The following CLDN10 variants were observed in gnomAD, a reference collection of about 807,000 sequenced individuals.
CLDN10 encodes the protein claudin 10.
In CLDN10, 15 loss-of-function variants were observed where a neutral mutation model predicts 22.9. The ratio of observed to expected loss-of-function variants is 0.65; its 90% CI spans 0.44 to 1.01. The LOEUF (loss-of-function observed/expected upper bound fraction) is 1.01, where lower values mean the gene tolerates loss of function less well. Ranked by LOEUF, CLDN10 falls within the 50% of genes least tolerant of loss-of-function variation. CLDN10 has a pLI of 0.00. For missense variants in CLDN10, 247 were observed against 287.8 expected, an observed-to-expected ratio of 0.86 and a Z score of 1.03; for synonymous variants, 114 against 111.4, an observed-to-expected ratio of 1.02 and a Z score of -0.15.
At chr13:95,514,963 C>T (rs2043148375) in intron 1 of CLDN10, among the ~76,000 whole-genome samples, 1 of 152,132 alleles carries the variant, frequency 6.6e-6, no homozygotes, top group Non-Finnish European at 1.5e-5. Flanking sequence ...TTGAGATACA[C>T]TATGGAAGGT....
rs59868615 is a variant in CLDN10 at position 95,449,739 on chromosome 13, A to ATTTTT, written c.214+15704_214+15708dup. ...CACCACCATGCTAGCTAATTTTTAA[A>ATTTTT]TTTTTTTTTTTTTTTTCTTTTTGAG... On this transcript the variant is annotated intron_variant, in intron 1 of 4. Transcript: ENST00000376873. Among the ~76,000 whole-genome samples, 129 of 132,766 alleles carry ATTTTT rather than the reference A, an allele frequency of 9.7e-4. 3 individuals are homozygous for ATTTTT. The highest frequency in any genetic ancestry group is 2.4e-3 in the East Asian group (11 of 4,670). The allele number at this position is 132,766 out of a possible 152,430, so 87.1% of individuals were successfully genotyped here.
At chr13:95,563,095 ACTCT>A (rs34473629) in intron 3 of CLDN10, among the ~76,000 whole-genome samples, 30,813 of 127,970 alleles carry the variant, frequency 0.24, 3,683 homozygotes, top group East Asian at 0.35. Flanking sequence ...CTGCCTACCC[ACTCT>A]CTCTCTCTCT....
At chr13:95,435,421 A>G (rs1254876384) in intron 1 of CLDN10, among the ~76,000 whole-genome samples, 3 of 152,320 alleles carry the variant, frequency 2.0e-5, no homozygotes, top group Admixed American at 6.5e-5. Flanking sequence ...TTAGTCTACA[A>G]TGAGTGCCAG....
intron 1 of CLDN10, among the ~76,000 whole-genome samples, chr13:95,512,798 G>C (rs1053679009): frequency 6.6e-6 from 1 of 152,208 alleles, no homozygotes; most frequent in Non-Finnish European, 1.5e-5. Flanking sequence ...GGAAAAATCA[G>C]CTTTTCACCC....
intron 1 of CLDN10, among the ~76,000 whole-genome samples, chr13:95,450,896 C>G (rs1271233346): frequency 1.3e-5 from 2 of 152,220 alleles, no homozygotes; most frequent in African/African-American, 4.8e-5. Flanking sequence ...TCCTCCAGTT[C>G]CTGGGCTCTG....
intron 1 of CLDN10, among the ~76,000 whole-genome samples, chr13:95,449,415 C>T (rs2139075868): frequency 6.6e-6 from 1 of 152,000 alleles, no homozygotes; most frequent in East Asian, 2.0e-4. Flanking sequence ...CCACACCCAG[C>T]TAATTTTGTA....
intron 3 of CLDN10, among the ~76,000 whole-genome samples, chr13:95,561,815 G>C (rs2043716712): frequency 6.7e-6 from 1 of 149,890 alleles, no homozygotes; most frequent in Non-Finnish European, 1.5e-5. Flanking sequence ...ACTCAGGCTG[G>C]AGTGTGGTGG....
At chr13:95,488,046 C>T (rs2042823886) in intron 1 of CLDN10, among the ~76,000 whole-genome samples, 3 of 151,082 alleles carry the variant, frequency 2.0e-5, no homozygotes, top group African/African-American at 4.9e-5. Flanking sequence ...AGTGCAGTGG[C>T]GTGATCTCGA....
At chr13:95,568,103 TC>T (rs1384343355) in intron 3 of CLDN10, among the ~76,000 whole-genome samples, 1 of 152,220 alleles carries the variant, frequency 6.6e-6, no homozygotes, top group East Asian at 1.9e-4. Context: ...TTAATTTCTC[TC>T]TTCTATACTT....
At chr13:95,459,174 G>C (rs1424272055) in intron 1 of CLDN10, among the ~76,000 whole-genome samples, 1 of 152,170 alleles carries the variant, frequency 6.6e-6, no homozygotes, top group South Asian at 2.1e-4. Flanking sequence ...CCCACTCCTG[G>C]CTGCTTTCAC....
chr13:95,515,278 A>G (rs1199044233), intron 1 of CLDN10, among the ~76,000 whole-genome samples: 1 of 152,078 alleles, frequency 6.6e-6, no homozygotes, highest in Non-Finnish European at 1.5e-5. Flanking sequence ...AGCTCACTGC[A>G]ACCTCCACTT....
At chr13:95,533,186 G>A (rs2043363936) in intron 1 of CLDN10, among the ~76,000 whole-genome samples, 1 of 148,412 alleles carries the variant, frequency 6.7e-6, no homozygotes, top group Admixed American at 6.9e-5. Context: ...AAATTGTACT[G>A]AGGCCTGCAA....
In CLDN10 at chr13:95,442,360, C is replaced by G. The variant is rs568914763; in HGVS notation, c.214+8313C>G. Among the ~76,000 whole-genome samples the G allele has an allele frequency of 5.9e-5, 9 of 152,274 alleles. No individual in the cohort carries two copies. The South Asian group carries it at 1.7e-3, about 28-fold the overall frequency. On this transcript the variant is annotated intron_variant, in intron 1 of 4. Transcript: ENST00000376873. ...AGTAGCTGCCTCTTAGAATGCAAAG[C>G]CTGATAGAAGCATGCCTTTGCTCCT...
intron 1 of CLDN10, among the ~76,000 whole-genome samples, chr13:95,462,081 G>A (rs1481989785): frequency 6.6e-6 from 1 of 152,216 alleles, no homozygotes; most frequent in African/African-American, 2.4e-5. Context: ...GGGTGGCAGA[G>A]TGAGACCCTG....
At chr13:95,434,939 A>G (rs1330521953) in intron 1 of CLDN10, among the ~76,000 whole-genome samples, 1 of 152,188 alleles carries the variant, frequency 6.6e-6, no homozygotes, top group Non-Finnish European at 1.5e-5. Context: ...GAATGATAAA[A>G]TAACAGCAAG....
intron 1 of CLDN10, among the ~76,000 whole-genome samples, chr13:95,434,868 CG>C (rs1299516497): frequency 6.6e-6 from 1 of 151,812 alleles, no homozygotes; most frequent in African/African-American, 2.4e-5. Flanking sequence ...AGGGTTTCCA[CG>C]TTTTTTTTAA....
intron 3 of CLDN10, among the ~76,000 whole-genome samples, chr13:95,576,745 C>T (rs189805369): frequency 3.3e-5 from 5 of 152,348 alleles, no homozygotes; most frequent in East Asian, 1.9e-4. Context: ...GCTATTGATT[C>T]ATTTCCCCAC....
At chr13:95,436,792 C>T (rs72632662) in intron 1 of CLDN10, among the ~76,000 whole-genome samples, 10,607 of 152,144 alleles carry the variant, frequency 0.07, 564 homozygotes, top group East Asian at 0.25. Flanking sequence ...GGTTGCTTTT[C>T]TTTTATTCCT....
At chr13:95,551,048 G>C (rs1409898691), upstream of CLDN10, among the ~76,000 whole-genome samples, 1 of 151,908 alleles carries the variant, frequency 6.6e-6, no homozygotes, top group Non-Finnish European at 1.5e-5. Flanking sequence ...GGACAAGCTG[G>C]GGTTCAGAGC....
Sources: allele counts gnomAD v4.1 joint callset (sites outside exome capture counted in the v4.1 genomes callset), GRCh38; gene constraint gnomAD v4.1.1; transcripts MANE v1.5; gene names NCBI Gene and HGNC (gene_info 2026-07-23, HGNC 2026-07-21).